Variants in UNC13C observed in about 807,000 individuals in gnomAD.
UNC13C encodes the protein protein unc-13 homolog C.
A neutral mutation model predicts 245.4 loss-of-function variants in UNC13C; 174 were observed. The observed-to-expected ratio is 0.71, with a 90% CI of 0.63 to 0.80. The LOEUF (loss-of-function observed/expected upper bound fraction) is 0.80. Among genes scored for constraint, UNC13C ranks in the 30% least tolerant of loss-of-function variants. The pLI is 0.00. For synonymous variants in UNC13C, 992 were observed against 895.1 expected (o/e 1.11, Z -1.93); for missense variants, 2,829 against 2,602.9 (o/e 1.09, Z -1.89).
At chr15:54,396,339 T>A (rs2040069287) in intron 18 of UNC13C, among the ~76,000 whole-genome samples, 1 of 151,868 alleles carries the variant, frequency 6.6e-6, no homozygotes, top group South Asian at 2.1e-4. Flanking sequence ...TATGTGTAAA[T>A]GTAATCATAA....
intron 30 of UNC13C, among the ~76,000 whole-genome samples, chr15:54,607,121 A>C (rs1424962089): frequency 1.3e-5 from 2 of 152,228 alleles, no homozygotes; most frequent in African/African-American, 4.8e-5. Flanking sequence ...AATTTGACTT[A>C]AATGAGTTGG....
chr15:54,160,940 C>G (rs1467856922), intron 4 of UNC13C, among the ~76,000 whole-genome samples: 1 of 151,938 alleles, frequency 6.6e-6, no homozygotes, highest in Admixed American at 6.6e-5. Flanking sequence ...TGTGAAAAAT[C>G]TTTAATTTGC....
intron 13 of UNC13C, among the ~76,000 whole-genome samples, chr15:54,307,933 T>C (rs1456699741): frequency 6.6e-6 from 1 of 151,886 alleles, no homozygotes; most frequent in Admixed American, 6.6e-5. Context: ...GAGCTGAATT[T>C]GGGGGAGCAA....
chr15:54,484,694 A>C (rs1392757598), intron 19 of UNC13C, among the ~76,000 whole-genome samples: 1 of 152,208 alleles, frequency 6.6e-6, no homozygotes, highest in African/African-American at 2.4e-5. Flanking sequence ...AGGCAAATTC[A>C]GAAAAGCTAA....
At chr15:54,154,783 T>C (rs1004065712) in intron 4 of UNC13C, among the ~76,000 whole-genome samples, 1 of 152,160 alleles carries the variant, frequency 6.6e-6, no homozygotes, top group East Asian at 1.9e-4. Context: ...GGTCTTCAAG[T>C]ATTCAAAAGA....
chr15:53,926,681 G>T, the UNC13C span, among the ~76,000 whole-genome samples: 1 of 152,202 alleles, frequency 6.6e-6, no homozygotes, highest in Non-Finnish European at 1.5e-5. Context: ...AGAGATATCT[G>T]CCAGATTCTA....
intron 14 of UNC13C, among the ~76,000 whole-genome samples, chr15:54,327,611 C>A (rs1309224332): frequency 6.6e-6 from 1 of 152,064 alleles, no homozygotes; most frequent in Middle Eastern, 3.4e-3. Context: ...GGAAGAGAGG[C>A]CAGAGCTCAA....
intron 10 of UNC13C, among the ~76,000 whole-genome samples, chr15:54,268,256 T>TG (rs1446990262): frequency 7.2e-5 from 11 of 152,128 alleles, no homozygotes; most frequent in Admixed American, 3.9e-4. Context: ...TCTAAGCCAC[T>TG]GTAATTTTCA....
chr15:54,338,062 G>T (rs1267171047), intron 16 of UNC13C, among the ~76,000 whole-genome samples: 1 of 152,044 alleles, frequency 6.6e-6, no homozygotes, highest in Non-Finnish European at 1.5e-5. Flanking sequence ...CCATTATCTG[G>T]CATATAGGAA....
intron 17 of UNC13C, among the ~76,000 whole-genome samples, chr15:54,382,981 C>A (rs927708759): frequency 6.6e-6 from 1 of 151,994 alleles, no homozygotes; most frequent in African/African-American, 2.4e-5. Context: ...ATACAACTTA[C>A]CAAGATTCAA....
intron 17 of UNC13C, among the ~76,000 whole-genome samples, chr15:54,367,487 T>C (rs2039390457): frequency 6.6e-6 from 1 of 152,216 alleles, no homozygotes; most frequent in Admixed American, 6.5e-5. Flanking sequence ...TGCCACAGGC[T>C]CTTTGAAGGG....
At chr15:54,562,073 C>A (rs1378339129) in intron 29 of UNC13C, among the ~76,000 whole-genome samples, 1 of 151,894 alleles carries the variant, frequency 6.6e-6, no homozygotes, top group Admixed American at 6.6e-5. Flanking sequence ...GAGTTAGATG[C>A]AATGGCAGGA....
chr15:53,924,730 A>G, the UNC13C span, among the ~76,000 whole-genome samples: 1 of 152,228 alleles, frequency 6.6e-6, no homozygotes. Flanking sequence ...CTAATCCCAA[A>G]GAAAGCCTAT....
intron 19 of UNC13C, among the ~76,000 whole-genome samples, chr15:54,492,356 A>C (rs1461988293): frequency 6.6e-6 from 1 of 152,168 alleles, no homozygotes; most frequent in Non-Finnish European, 1.5e-5. Flanking sequence ...ATAAATTTCT[A>C]AGGTAAATCA....
At chr15:53,862,896 A>C in the UNC13C span, among the ~76,000 whole-genome samples, 2 of 152,110 alleles carry the variant, frequency 1.3e-5, no homozygotes, top group African/African-American at 4.8e-5. Flanking sequence ...GGCTCCCCCA[A>C]ATTCAAGTCC....
At chr15:54,451,816 C>T (rs1891194918) in intron 19 of UNC13C, among the ~76,000 whole-genome samples, 1 of 151,924 alleles carries the variant, frequency 6.6e-6, no homozygotes, top group South Asian at 2.1e-4. Context: ...TTGGAAGTGT[C>T]ATATTTCCTT....
chr15:54,065,484 G>C (rs1898034129), intron 2 of UNC13C, among the ~76,000 whole-genome samples: 1 of 152,198 alleles, frequency 6.6e-6, no homozygotes, highest in Admixed American at 6.5e-5. Context: ...TTTGATATCT[G>C]GTTTGTATTG....
chr15:54,154,192 C>G (rs184733730), intron 4 of UNC13C, among the ~76,000 whole-genome samples: 8 of 152,106 alleles, frequency 5.3e-5, no homozygotes, highest in Admixed American at 5.2e-4. Context: ...TCCCCACCTC[C>G]TCTGTATTCT....
the UNC13C span, among the ~76,000 whole-genome samples, chr15:53,920,208 G>T: frequency 1.3e-5 from 2 of 151,882 alleles, no homozygotes; most frequent in Non-Finnish European, 2.9e-5. Flanking sequence ...TTAAGATAAC[G>T]CTACAGCATA....
Sources: allele counts gnomAD v4.1 joint callset (sites outside exome capture counted in the v4.1 genomes callset), GRCh38; gene constraint gnomAD v4.1.1; transcripts MANE v1.5; gene names NCBI Gene and HGNC (gene_info 2026-07-23, HGNC 2026-07-21).